The following PDXP variants were observed in gnomAD, a reference collection of about 807,000 sequenced individuals.
PDXP encodes chronophin.
In PDXP, 15 loss-of-function variants were observed where a neutral mutation model predicts 14.4. The observed-to-expected ratio is 1.04, with a 90% confidence interval of 0.70 to 1.60. The LOEUF is 1.60. Among genes scored for constraint, PDXP ranks in the 40% most tolerant of loss-of-function variants. The probability of loss-of-function intolerance (pLI) is 0.00; values close to 1 mark genes in which losing one functional copy is unlikely to be tolerated. For synonymous variants in PDXP, 233 were observed against 205.6 expected, an observed-to-expected ratio of 1.13 and a Z score of -1.14; for missense variants, 413 against 427.6, an observed-to-expected ratio of 0.97 and a Z score of 0.30.
chr22:37,659,325 G>A lies in PDXP; in HGVS notation c.543G>A (p.Trp181Ter). ...TCGTGGCCACCGACCGTGACCCATG[G>A]CACCCGCTGAGCGACGGCAGCCGGA... ...CLLVATDRDP[W>*]HPLSDGSRTP... The change falls in exon 1 of 2, where the codon TGG (tryptophan) becomes TGA (stop). Residue 181 changes from tryptophan to a stop codon, truncating the protein, a stop_gained. Transcript: ENST00000215904. LOFTEE classifies it high-confidence loss of function. The A allele has an allele frequency of 1.5e-6, 2 of 1,302,948 alleles. No individual in the cohort carries two copies. The highest frequency in any genetic ancestry group is 5.7e-5 in the South Asian group (2 of 35,242). The allele number at this position is 1,302,948 out of a possible 1,614,324, so 80.7% of individuals were successfully genotyped here. A position where few individuals can be genotyped will look rare whatever the true frequency, so the allele number is the denominator to read the frequency against.
chr22:37,660,351 G>A (rs570102495), intron 1 of PDXP, among the ~76,000 whole-genome samples: 13 of 152,206 alleles, frequency 8.5e-5, no homozygotes, highest in Admixed American at 2.6e-4. Flanking sequence ...GACAGTCCTC[G>A]CAGGCTTCCC....
At chr22:37,661,898 TTC>T (rs1350749579) in intron 1 of PDXP, among the ~76,000 whole-genome samples, 4 of 149,824 alleles carry the variant, frequency 2.7e-5, no homozygotes, top group African/African-American at 2.5e-5. Context: ...GTGGCTTTTA[TTC>T]TCTCTCTTTT....
intron 1 of PDXP, among the ~76,000 whole-genome samples, chr22:37,664,374 C>T (rs1290338551): frequency 6.6e-6 from 1 of 152,222 alleles, no homozygotes; most frequent in Non-Finnish European, 1.5e-5. Flanking sequence ...GGATTACAGG[C>T]ATGGGCCACT....
chr22:37,659,226 G>C lies in PDXP; in HGVS notation c.444G>C (p.Val148=). The C allele has an allele frequency of 7.6e-7, 1 of 1,312,234 alleles. No individual in the cohort carries two copies. The highest frequency in any genetic ancestry group is 9.7e-7 in the Non-Finnish European group (1 of 1,026,510). 81.3% of individuals were successfully genotyped at this position (1,312,234 alleles called of 1,614,324 possible). A position where few individuals can be genotyped will look rare whatever the true frequency, so the allele number is the denominator to read the frequency against. The part of the protein sequence containing the change: ...GAAPRVRAVL[V]GYDEHFSFAK... Reference sequence around the variant, plus strand: ...CCCCGCGCGTGCGCGCCGTGCTTGTGGGCTACGACGAGCACTTCTCCTTCG... The same window carrying C: ...CCCCGCGCGTGCGCGCCGTGCTTGTCGGCTACGACGAGCACTTCTCCTTCG... Residue 148 remains valine (V), a synonymous_variant, in exon 1 of 2, where the codon GTG becomes GTC. Transcript: ENST00000215904.
At chr22:37,665,507 C>T (rs200933734) in intron 1 of PDXP, 48 bp from the exon 2 acceptor site, 5 of 1,464,500 alleles carry the variant, frequency 3.4e-6, no homozygotes, top group East Asian at 2.4e-5. Context: ...CAGGGCCTGA[C>T]GCTGTCCCTG....
chr22:37,665,885 G>A lies in PDXP; in HGVS notation c.*14G>A. The stretch of plus-strand genomic sequence containing the variant: ...TTGGAGGACTGAGCCCACTGCACCT[G>A]CAGCCACAGGCCCACCCCTCCCCAC... On this transcript the variant is annotated 3_prime_UTR_variant, in exon 2 of 2. Transcript: ENST00000215904. 1.2e-6 allele frequency: 2 copies of A among 1,604,076 alleles called. No individual in the cohort carries two copies. The highest frequency in any genetic ancestry group is 2.7e-5 in the African/African-American group (2 of 74,910).
In PDXP at chr22:37,659,333, T is replaced by C. The variant is rs749132011; in HGVS notation, c.551T>C (p.Leu184Pro). The C allele has an allele frequency of 7.7e-7, 1 of 1,302,376 alleles. No individual in the cohort carries two copies. Among genetic ancestry groups the C allele is most frequent in the South Asian group, 2.9e-5 (1 of 35,076 alleles). The allele number at this position is 1,302,376 out of a possible 1,614,324, so 80.7% of individuals were successfully genotyped here. ...ACCGACCGTGACCCATGGCACCCGC[T>C]GAGCGACGGCAGCCGGACCCCTGGT... ...VATDRDPWHP[L>P]SDGSRTPGTG... Residue 184 changes from leucine (L) to proline (P), a missense_variant, in exon 1 of 2, where the codon CTG becomes CCG. Coordinates refer to ENST00000215904, the MANE Select transcript of PDXP (RefSeq NM_020315.5).
chr22:37,661,544 G>A (rs1432813094), intron 1 of PDXP, among the ~76,000 whole-genome samples: 3 of 152,166 alleles, frequency 2.0e-5, no homozygotes, highest in South Asian at 2.1e-4. Flanking sequence ...TTAGGAATAC[G>A]TCATCAGCAT....
At chr22:37,659,724 G>A (rs1020081213) in intron 1 of PDXP, among the ~76,000 whole-genome samples, 4 of 152,190 alleles carry the variant, frequency 2.6e-5, no homozygotes, top group African/African-American at 7.2e-5. Context: ...AGGTGTGTGG[G>A]GAGCAAAGGC....
rs1921078040 is a variant in PDXP at position 37,666,183 on chromosome 22, C to T, written c.*312C>T. The stretch of plus-strand genomic sequence containing the variant: ...CCCTGGTGCCTGCTGAAGATTCCCT[C>T]TATCCCTGAGTACTTAGTCTTCTCC... On this transcript the variant is annotated 3_prime_UTR_variant, in exon 2 of 2. Coordinates refer to ENST00000215904, the MANE Select transcript of PDXP (RefSeq NM_020315.5). The T allele has an allele frequency of 4.3e-6, 2 of 468,256 alleles. No individual in the cohort carries two copies. The highest frequency in any genetic ancestry group is 8.1e-6 in the Non-Finnish European group (2 of 248,242). 29.0% of individuals were successfully genotyped at this position (468,256 alleles called of 1,614,324 possible).
intron 1 of PDXP, among the ~76,000 whole-genome samples, chr22:37,663,965 G>A (rs942946835): frequency 4.5e-5 from 6 of 134,430 alleles, no homozygotes; most frequent in African/African-American, 1.8e-4. Context: ...CCTAGCTCTG[G>A]CGCCCAGACT....
At chr22:37,664,266 A>C (rs1354396683) in intron 1 of PDXP, among the ~76,000 whole-genome samples, 1 of 113,476 alleles carries the variant, frequency 8.8e-6, no homozygotes, top group Non-Finnish European at 1.8e-5. Flanking sequence ...TTAAATATAT[A>C]TGTATATTTA....
Position 37,658,843 on chromosome 22 carries a change from G to A in PDXP, c.61G>A (p.Gly21Arg). 5.0e-6 allele frequency: 6 copies of A among 1,203,042 alleles called. No individual in the cohort carries two copies. The highest frequency in any genetic ancestry group is 3.8e-5 in the South Asian group (1 of 25,982). The allele number at this position is 1,203,042 out of a possible 1,614,324, so 74.5% of individuals were successfully genotyped here. The change falls in exon 1 of 2, where the codon GGG (glycine) becomes AGG (arginine). Residue 21 changes from glycine to arginine, a missense_variant. Gly to Arg is a moderately radical substitution (Grantham distance 125). Transcript: ENST00000215904. Reference sequence around the variant, plus strand: ...GCGCGACGTGCTGGGCCGGGCGCAGGGGGTCCTGTTCGACTGTGACGGGGT... The same window carrying A: ...GCGCGACGTGCTGGGCCGGGCGCAGAGGGTCCTGTTCGACTGTGACGGGGT... ...ALRDVLGRAQ[G>R]VLFDCDGVLW...
intron 1 of PDXP, among the ~76,000 whole-genome samples, chr22:37,661,405 A>G (rs1297728139): frequency 6.6e-6 from 1 of 151,280 alleles, no homozygotes. Flanking sequence ...CATGATGTGT[A>G]TGTCTGAAAT....
Position 37,666,663 on chromosome 22 carries a change from G to A in PDXP, c.*792G>A, listed in dbSNP as rs1254519084. On this transcript the variant is annotated 3_prime_UTR_variant, in exon 2 of 2. Coordinates refer to ENST00000215904, the MANE Select transcript of PDXP (RefSeq NM_020315.5). ...AGACACCTCTCCTTTACAAAGACTT[G>A]TGATGCTCTGGGGCTTCTGTGGCCA... 2 of 167,120 alleles carry A rather than the reference G, an allele frequency of 1.2e-5. No individual in the cohort carries two copies. Among genetic ancestry groups the A allele is most frequent in the Non-Finnish European group, 2.9e-5 (2 of 68,160 alleles). The allele number at this position is 167,120 out of a possible 1,614,324, so 10.4% of individuals were successfully genotyped here. A position where few individuals can be genotyped will look rare whatever the true frequency, so the allele number is the denominator to read the frequency against.
rs556575793 is a variant in PDXP, at chr22:37,663,303, CA to C, written c.575-2235del. 3.2e-3 allele frequency among the ~76,000 whole-genome samples: 351 copies of C among 110,734 alleles called. 1 individual carries two copies. The highest frequency in any genetic ancestry group is 0.026 in the East Asian group (95 of 3,698). 72.6% of individuals were successfully genotyped at this position (110,734 alleles called of 152,430 possible). A position where few individuals can be genotyped will look rare whatever the true frequency, so the allele number is the denominator to read the frequency against. On this transcript the variant is annotated intron_variant, in intron 1 of 1. Coordinates refer to ENST00000215904, the MANE Select transcript of PDXP (RefSeq NM_020315.5). ...TGGGCAACAGAGCGAGACTCCGTCT[CA>C]AAAAAAAAAAAAAAAATCATATAGT... is the stretch of plus-strand genomic sequence containing the variant.
chr22:37,658,947 G>C lies in PDXP; in HGVS notation c.165G>C (p.Leu55=), dbSNP rs1933139232. The C allele has an allele frequency of 2.5e-5, 30 of 1,216,114 alleles. No individual in the cohort carries two copies. Among genetic ancestry groups the C allele is most frequent in the Non-Finnish European group, 3.1e-5 (30 of 975,172 alleles). 75.3% of individuals were successfully genotyped at this position (1,216,114 alleles called of 1,614,324 possible). ...TGGCGCGGGCCGGCAAGGCGGCTCT[G>C]TTTGTGAGCAACAACAGCCGGCGCG... ...ERLARAGKAA[L]FVSNNSRRAR... Residue 55 remains leucine (L), a synonymous_variant, in exon 1 of 2, where the codon CTG becomes CTC. Transcript: ENST00000215904.
chr22:37,665,490 C>G, intron 1 of PDXP, 65 bp from the exon 2 acceptor site: 21 of 1,331,802 alleles, frequency 1.6e-5, no homozygotes, highest in Non-Finnish European at 2.1e-5. Flanking sequence ...CCCTGGACTT[C>G]CAGTTTCAGG....
At position 37,659,130 on chromosome 22, in the gene PDXP, G is replaced by A. The variant is rs1933145626; in HGVS notation, c.348G>A (p.Glu116=). ...GCGCCGTGTTCGTGCTGGGCGGCGAGGGGCTGCGCGCCGAGCTGCGCGCCG... is the reference window on the plus strand; with the variant it reads ...GCGCCGTGTTCGTGCTGGGCGGCGAAGGGCTGCGCGCCGAGCTGCGCGCCG... ...APGAVFVLGG[E]GLRAELRAAG... is the part of the protein sequence containing the mutation. The change falls in exon 1 of 2, where the codon GAG becomes GAA. Residue 116 remains glutamate, a synonymous_variant. Coordinates refer to ENST00000215904, the MANE Select transcript of PDXP (RefSeq NM_020315.5). 9.8e-7 allele frequency: 1 copy of A among 1,016,628 alleles called. No homozygotes were observed. 63.0% of individuals were successfully genotyped at this position (1,016,628 alleles called of 1,614,324 possible).
Sources: gnomAD v4.1 joint callset for allele counts (sites outside exome capture counted in the v4.1 genomes callset) on GRCh38, gnomAD v4.1.1 for gene constraint, MANE v1.5 for transcripts, NCBI Gene and HGNC (gene_info 2026-07-23, HGNC 2026-07-21) for gene names.